MAP1S: variants seen among roughly 807,000 people sequenced by gnomAD.
MAP1S encodes microtubule-associated protein 1S.
Under a neutral mutation model 60.9 loss-of-function variants are expected in MAP1S, and 27 were observed. The ratio of observed to expected loss-of-function variants is 0.44; its 90% CI spans 0.33 to 0.61. The LOEUF is 0.61. Among genes scored for constraint, MAP1S ranks in the 20% least tolerant of loss-of-function variants. The probability of loss-of-function intolerance (pLI) is 0.03; values close to 1 mark genes in which losing one functional copy is unlikely to be tolerated. For missense variants in MAP1S, 1,608 were observed against 1,486.6 expected, an observed-to-expected ratio of 1.08 and a Z score of -1.34; for synonymous variants, 826 against 694.2, an observed-to-expected ratio of 1.19 and a Z score of -2.98.
intron 2 of MAP1S, chr19:17,721,359 A>T: frequency 2.6e-6 from 1 of 380,912 alleles, no homozygotes; most frequent in Non-Finnish European, 5.1e-6. Flanking sequence ...GAAGGGCCCC[A>T]GTCAAGACCC....
intron 2 of MAP1S, among the ~76,000 whole-genome samples, chr19:17,723,186 C>T (rs1042504801): frequency 3.3e-5 from 5 of 152,182 alleles, no homozygotes; most frequent in Non-Finnish European, 1.5e-5. Context: ...GACCTTTGCT[C>T]CGGATGTACC....
chr19:17,720,312 G>A lies in MAP1S; in HGVS notation c.119-624G>A, dbSNP rs770844427. 2.7e-6 allele frequency: 4 copies of A among 1,459,696 alleles called. No homozygotes were observed. In the South Asian group the frequency reaches 4.0e-5, roughly 15 times the overall value. 90.4% of individuals were successfully genotyped at this position (1,459,696 alleles called of 1,614,324 possible). ...TGCATGTAAAATGGGACAGGAACAC[G>A]CACCTCGGTTCATGTGCTTGAGGAG... On this transcript the variant is annotated intron_variant, in intron 1 of 6. Coordinates refer to ENST00000324096, the MANE Select transcript of MAP1S (RefSeq NM_018174.6).
chr19:17,720,615 T>C lies in MAP1S; in HGVS notation c.119-321T>C, dbSNP rs2080362281. The C allele has an allele frequency of 2.7e-6, 3 of 1,096,556 alleles. No individual in the cohort carries two copies. The African/African-American group carries it at 4.8e-5, about 17-fold the overall frequency. 67.9% of individuals were successfully genotyped at this position (1,096,556 alleles called of 1,614,324 possible). ...AGGTGGGGGCGGCAGGGGGATGGAC[T>C]TCCAGGCAGGGGAAACAGCTGTTGC... On this transcript the variant is annotated intron_variant, in intron 1 of 6. Transcript: ENST00000324096.
rs760173502 is a variant in MAP1S, at chr19:17,726,830, G to A, written c.1446G>A (p.Ser482=). 9.0e-6 allele frequency: 14 copies of A among 1,554,986 alleles called. No individual in the cohort carries two copies. Among genetic ancestry groups the A allele is most frequent in the Non-Finnish European group, 1.0e-5 (12 of 1,149,948 alleles). Residue 482 remains serine, a synonymous_variant, in exon 5 of 7, where the codon TCG becomes TCA. Transcript: ENST00000324096. ...SKESVGSRDS[S]KREGLLATHP... is the part of the protein sequence containing the mutation. ...AGAGCGTGGGCTCCCGGGACAGCTC[G>A]AAGAGAGAGGGCCTCCTGGCCACCC...
At chr19:17,719,945 C>T (rs771706178) in intron 1 of MAP1S, 4 of 217,706 alleles carry the variant, frequency 1.8e-5, no homozygotes, top group South Asian at 1.5e-4. Flanking sequence ...CTCCGCTTCC[C>T]GCCTGACTGG....
rs763095118 is a variant in MAP1S at position 17,733,181 on chromosome 19, C to T, written c.2789-12C>T. Reference sequence around the variant, plus strand: ...GGAGCTCATCCCTGCCTCCCCATCCCCCCGCCCGCAGGGTCAGCCAGCAGC... The same window carrying T: ...GGAGCTCATCCCTGCCTCCCCATCCTCCCGCCCGCAGGGTCAGCCAGCAGC... On this transcript the variant is annotated splice_polypyrimidine_tract_variant and intron_variant, in intron 5 of 6. Transcript: ENST00000324096. The T allele has an allele frequency of 3.6e-5, 55 of 1,518,910 alleles. No individual in the cohort carries two copies. Among genetic ancestry groups the T allele is most frequent in the Non-Finnish European group, 4.4e-5 (50 of 1,127,738 alleles). The allele number at this position is 1,518,910 out of a possible 1,614,324, so 94.1% of individuals were successfully genotyped here.
Position 17,727,311 on chromosome 19 carries a change from T to C in MAP1S, c.1927T>C (p.Ser643Pro). ...IPRPRTPSPE[S>P]HRSPAEGSER... is the part of the protein sequence containing the mutation. ...AAGGCCACGCACACCCTCCCCTGAG[T>C]CCCACCGGAGCCCCGCAGAGGGCAG... Residue 643 changes from serine (S) to proline (P), a missense_variant, in exon 5 of 7, where the codon TCC (serine) becomes CCC (proline). Ser to Pro is a moderately conservative substitution (Grantham distance 74, BLOSUM62 -1). This residue lies in a region of MAP1S where 1,167 missense variants were observed against 961.4 expected (regional missense o/e 1.21). Transcript: ENST00000324096. The surrounding 1 kb of genome is among the most constrained non-coding windows in gnomAD (Gnocchi z 4.1). 6.3e-7 allele frequency: 1 copy of C among 1,591,542 alleles called. No homozygotes were observed. The highest frequency in any genetic ancestry group is 8.5e-7 in the Non-Finnish European group (1 of 1,173,912).
At chr19:17,719,698 G>GGGCGGC (rs531398234) in intron 1 of MAP1S, 78 bp downstream of exon 1, 9 of 554,022 alleles carry the variant, frequency 1.6e-5, no homozygotes, top group African/African-American at 2.1e-5. Flanking sequence ...CGGCGGGGTG[G>GGGCGGC]GGCGGCGGCG....
chr19:17,727,659 TC>T lies in MAP1S; in HGVS notation c.2280del (p.Gly761AlafsTer249). 1.2e-6 allele frequency: 2 copies of T among 1,608,560 alleles called. No homozygotes were observed. The highest frequency in any genetic ancestry group is 1.1e-5 in the South Asian group (1 of 90,994). ...KAVPMAPAPA[S>X]PGSSNDSSAR... ...GGTGCCAATGGCACCGGCACCTGCG[TC>T]CCCCGGCAGCTCGAATGACAGCAGT... On this transcript the variant is annotated frameshift_variant, in exon 5 of 7. Transcript: ENST00000324096. LOFTEE classifies it high-confidence loss of function. The surrounding 1 kb of genome is among the most constrained non-coding windows in gnomAD (Gnocchi z 4.1).
chr19:17,720,399 G>C, intron 1 of MAP1S: 13 of 1,535,242 alleles, frequency 8.5e-6, no homozygotes, highest in Non-Finnish European at 1.1e-5. Context: ...ATATGGCCGG[G>C]ATGATAGACA....
At chr19:17,721,358 C>CA (rs1379999936) in intron 2 of MAP1S, 1 of 380,396 alleles carries the variant, frequency 2.6e-6, no homozygotes, top group Non-Finnish European at 5.1e-6. Flanking sequence ...GGAAGGGCCC[C>CA]AGTCAAGACC....
chr19:17,727,342 G>A lies in MAP1S; in HGVS notation c.1958G>A (p.Arg653Gln), dbSNP rs748349694. The change falls in exon 5 of 7, where the codon CGG becomes CAG. Residue 653 changes from arginine (R) to glutamine (Q), a missense_variant. Around this residue, in one of 4 missense-constraint regions of MAP1S, gnomAD observed 1,167 missense variants for 961.4 expected, o/e 1.21. Transcript: ENST00000324096. This position sits in a 1 kb window ranked among gnomAD's most constrained non-coding sequence, Gnocchi z 4.1. ...SHRSPAEGSE[R>Q]LSLSPLRGGE... ...CGGAGCCCCGCAGAGGGCAGCGAGC[G>A]GCTGTCGCTGAGCCCACTGCGGGGC... The A allele has an allele frequency of 9.4e-6, 15 of 1,587,942 alleles. No individual in the cohort carries two copies. In the Middle Eastern group the frequency reaches 6.7e-4, roughly 71 times the overall value.
Position 17,720,960 on chromosome 19 carries a change from C to A in MAP1S, c.143C>A (p.Pro48His). The change falls in exon 2 of 7, where the codon CCT becomes CAT. Residue 48 changes from proline (P) to histidine (H), a missense_variant. Physicochemically the swap from Pro to His is moderately conservative, Grantham distance 77. This residue lies in a region of MAP1S where 320 missense variants were observed against 393.1 expected (regional missense o/e 0.81). Transcript: ENST00000324096. Reference protein sequence around the residue: ...ERGIRSWDVDPGVCNLDEQLK... With the variant: ...ERGIRSWDVDHGVCNLDEQLK... ...GGCATCCGGTCTTGGGATGTCGATC[C>A]TGGCGTCTGCAACCTTGATGAACAG... 2 of 1,614,110 alleles carry A rather than the reference C, an allele frequency of 1.2e-6. No individual in the cohort carries two copies. Among genetic ancestry groups the A allele is most frequent in the Non-Finnish European group, 1.7e-6 (2 of 1,179,984 alleles).
chr19:17,733,621 T>C lies in MAP1S; in HGVS notation c.3024+193T>C, dbSNP rs1156725556. On this transcript the variant is annotated intron_variant, in intron 6 of 6. Transcript: ENST00000324096. ...CTGTCGTGTCACTGTTGTCATTGGC[T>C]GTGCTGGAAGCCTGGGGGAGGACGC... 2.0e-5 allele frequency among the ~76,000 whole-genome samples: 3 copies of C among 152,318 alleles called. No homozygotes were observed. The East Asian group carries it at 5.8e-4, about 29-fold the overall frequency.
rs751837246 is a variant in MAP1S, at chr19:17,727,547, G to A, written c.2163G>A (p.Leu721=). 39 of 1,609,004 alleles carry A rather than the reference G, an allele frequency of 2.4e-5. No individual in the cohort carries two copies. Among genetic ancestry groups the A allele is most frequent in the Non-Finnish European group, 2.8e-5 (33 of 1,179,384 alleles). The change falls in exon 5 of 7, where the codon CTG becomes CTA. Residue 721 remains leucine (L), a synonymous_variant. Transcript: ENST00000324096. This position sits in a 1 kb window ranked among gnomAD's most constrained non-coding sequence, Gnocchi z 4.1. ...GTGAGGCTGGGCTGAGCCTCCCGCT[G>A]CGTGGCCCCCGGGCGCGGCGCTCGG... ...PTSEAGLSLP[L]RGPRARRSAS...
intron 1 of MAP1S, chr19:17,720,168 C>T (rs2080357508): frequency 2.2e-6 from 3 of 1,338,238 alleles, no homozygotes; most frequent in Non-Finnish European, 1.9e-6. Context: ...GTCATAGGCG[C>T]ACCTGCCAGG....
At chr19:17,733,475 A>G (rs1380458930) in intron 6 of MAP1S, 47 bp downstream of exon 6, 5 of 1,464,740 alleles carry the variant, frequency 3.4e-6, no homozygotes, top group Non-Finnish European at 4.6e-6. Context: ...GTTAGCACAG[A>G]TGGGTAAAAC....
chr19:17,723,618 A>T (rs1188852396), intron 2 of MAP1S, among the ~76,000 whole-genome samples: 2 of 152,116 alleles, frequency 1.3e-5, no homozygotes, highest in Non-Finnish European at 2.9e-5. Context: ...TGGGAGGCCG[A>T]GGCAGGCGGA....
rs978676112 is a variant in MAP1S, at chr19:17,732,490, T to A, written c.2789-703T>A. ...TCCCCTTTGGCCCTAAGGTCAGGGTTTGGACAAGGCCCCCAGAGCTGCTGT... is the reference window on the plus strand; with the variant it reads ...TCCCCTTTGGCCCTAAGGTCAGGGTATGGACAAGGCCCCCAGAGCTGCTGT... On this transcript the variant is annotated intron_variant, in intron 5 of 6. Coordinates refer to ENST00000324096, the MANE Select transcript of MAP1S (RefSeq NM_018174.6). 4.1e-4 allele frequency among the ~76,000 whole-genome samples: 63 copies of A among 152,172 alleles called. 1 individual carries two copies. Among genetic ancestry groups the A allele is most frequent in the African/African-American group, 1.5e-3 (61 of 41,440 alleles).
Sources: gnomAD v4.1 joint callset for allele counts (sites outside exome capture counted in the v4.1 genomes callset) on GRCh38, gnomAD v4.1.1 for gene constraint, gnomAD v4.1.1 regional missense constraint, Gnocchi (gnomAD v3.1) non-coding constraint, MANE v1.5 for transcripts, NCBI Gene and HGNC (gene_info 2026-07-23, HGNC 2026-07-21) for gene names.